The following FICD variants were observed in gnomAD, a reference collection of about 807,000 sequenced individuals.
FICD encodes FIC domain protein adenylyltransferase, also known as protein adenylyltransferase FICD.
In FICD, 13 loss-of-function variants were observed where a neutral mutation model predicts 28.0. The observed-to-expected ratio is 0.46, with a 90% CI of 0.30 to 0.74. The LOEUF (loss-of-function observed/expected upper bound fraction) is 0.74. Among genes scored for constraint, FICD ranks in the 30% least tolerant of loss-of-function variants. The pLI, the probability that FICD is intolerant of heterozygous loss-of-function variation, is 0.07. For missense variants in FICD, 576 were observed against 624.5 expected, an observed-to-expected ratio of 0.92 and a Z score of 0.83; for synonymous variants, 268 against 266.4, an observed-to-expected ratio of 1.01 and a Z score of -0.06.
At position 108,517,237 on chromosome 12, in the gene FICD, G is replaced by A. The variant is rs746642946; in HGVS notation, c.265G>A (p.Ala89Thr). The change falls in exon 2 of 3, where the codon GCG becomes ACG. Residue 89 changes from alanine (A) to threonine (T), a missense_variant. By Grantham distance (58) the Ala-to-Thr change is moderately conservative (BLOSUM62 0). Coordinates refer to ENST00000552695, the MANE Select transcript of FICD (RefSeq NM_007076.3). ...GGAGCTCAGCATCACCTCCAGGGGC[G>A]CGACGCTGCTGGTGGCCAAGACCAA... Reference protein sequence around the residue: ...STELSITSRGATLLVAKTKAS... With the variant: ...STELSITSRGTTLLVAKTKAS... 35 of 1,547,994 alleles carry A rather than the reference G, an allele frequency of 2.3e-5. No homozygotes were observed. Among genetic ancestry groups the A allele is most frequent in the Middle Eastern group, 1.7e-4 (1 of 5,854 alleles).
In FICD at chr12:108,519,405, A is replaced by G; in HGVS notation, c.1307A>G (p.Tyr436Cys). 1.2e-6 allele frequency: 2 copies of G among 1,613,984 alleles called. No homozygotes were observed. The highest frequency in any genetic ancestry group is 2.7e-5 in the African/African-American group (2 of 74,968). The part of the protein sequence containing the change: ...LDTLLFATTE[Y>C]SVALPEAQPN... ...ACCCTGCTTTTTGCCACAACTGAGT[A>G]CTCGGTGGCACTGCCAGAAGCCCAA... Residue 436 changes from tyrosine to cysteine, a missense_variant, in exon 3 of 3, where the codon TAC becomes TGC. By Grantham distance (194) the Tyr-to-Cys change is radical. Coordinates refer to ENST00000552695, the MANE Select transcript of FICD (RefSeq NM_007076.3). The surrounding 1 kb of genome is among the most constrained non-coding windows in gnomAD (Gnocchi z 4.5).
At position 108,521,013 on chromosome 12, in the gene FICD, A is replaced by G. The variant is rs1872099324; in HGVS notation, c.*1538A>G. On this transcript the variant is annotated 3_prime_UTR_variant, in exon 3 of 3. Transcript: ENST00000552695. Reference sequence around the variant, plus strand: ...AAATGATAATTGTTCAAACCTTTATAAAATGTGTTTTCGTACTCTTATGCT... The same window carrying G: ...AAATGATAATTGTTCAAACCTTTATGAAATGTGTTTTCGTACTCTTATGCT... 6.6e-6 allele frequency: 1 copy of G among 152,254 alleles called. No homozygotes were observed. The highest frequency in any genetic ancestry group is 2.4e-5 in the African/African-American group (1 of 41,468). The allele number at this position is 152,254 out of a possible 1,614,324, so 9.4% of individuals were successfully genotyped here.
chr12:108,519,105 A>G lies in FICD; in HGVS notation c.1007A>G (p.Gln336Arg), dbSNP rs1214986708. Residue 336 changes from glutamine to arginine, a missense_variant, in exon 3 of 3, where the codon CAG becomes CGG. By Grantham distance (43) the Gln-to-Arg change is conservative. Transcript: ENST00000552695. This position sits in a 1 kb window ranked among gnomAD's most constrained non-coding sequence, Gnocchi z 4.5. ...GAAAAGCAGATGCAGGAGTTTGTACAGTGGCTCAACTCCGAGGAAGCCATG... is the reference window on the plus strand; with the variant it reads ...GAAAAGCAGATGCAGGAGTTTGTACGGTGGCTCAACTCCGAGGAAGCCATG... Reference protein sequence around the residue: ...DVEKQMQEFVQWLNSEEAMNL... With the variant: ...DVEKQMQEFVRWLNSEEAMNL... The G allele has an allele frequency of 1.2e-6, 2 of 1,614,118 alleles. No homozygotes were observed. The highest frequency in any genetic ancestry group is 1.1e-5 in the South Asian group (1 of 91,090).
At position 108,520,557 on chromosome 12, in the gene FICD, CT is replaced by C. The variant is rs1238951789; in HGVS notation, c.*1083del. 1 of 152,258 alleles carries C rather than the reference CT, an allele frequency of 6.6e-6. No individual in the cohort carries two copies. Among genetic ancestry groups the C allele is most frequent in the African/African-American group, 2.4e-5 (1 of 41,458 alleles). The allele number at this position is 152,258 out of a possible 1,614,324, so 9.4% of individuals were successfully genotyped here. A position where few individuals can be genotyped will look rare whatever the true frequency, so the allele number is the denominator to read the frequency against. On this transcript the variant is annotated 3_prime_UTR_variant, in exon 3 of 3. Coordinates refer to ENST00000552695, the MANE Select transcript of FICD (RefSeq NM_007076.3). Reference sequence around the variant, plus strand: ...TTGCACTGTCCCGTGTCCCATCCCCCTGGGAGGCAGAAGAGATTGCCTCGGA... The same window carrying C: ...TTGCACTGTCCCGTGTCCCATCCCCCGGGAGGCAGAAGAGATTGCCTCGGA...
rs748814333 is a variant in FICD, at chr12:108,518,320, C to T, written c.302-80C>T. 8.2e-7 allele frequency: 1 copy of T among 1,220,792 alleles called. No individual in the cohort carries two copies. Among genetic ancestry groups the T allele is most frequent in the Admixed American group, 1.8e-5 (1 of 55,010 alleles). The allele number at this position is 1,220,792 out of a possible 1,614,324, so 75.6% of individuals were successfully genotyped here. A position where few individuals can be genotyped will look rare whatever the true frequency, so the allele number is the denominator to read the frequency against. On this transcript the variant is annotated intron_variant, in intron 2 of 2. Transcript: ENST00000552695. The surrounding 1 kb of genome is among the most constrained non-coding windows in gnomAD (Gnocchi z 4.4). ...TGGTCATCATGGTTTCCTGCGGAGA[C>T]CAGCACAGGGGACAGCCCCCCGAAT...
At position 108,520,096 on chromosome 12, in the gene FICD, T is replaced by TTG. The variant is rs1872062404; in HGVS notation, c.*622_*623insGT. The TTG allele has an allele frequency of 6.6e-6, 1 of 151,154 alleles. No homozygotes were observed. Among genetic ancestry groups the TTG allele is most frequent in the Admixed American group, 6.6e-5 (1 of 15,184 alleles). 9.4% of individuals were successfully genotyped at this position (151,154 alleles called of 1,614,324 possible). A position where few individuals can be genotyped will look rare whatever the true frequency, so the allele number is the denominator to read the frequency against. Reference sequence around the variant, plus strand: ...TTTAGTGCCAGCAGCTGTTTTTTTTTTTTTTTTTTTCATATTGAGACTATT... The same window carrying TTG: ...TTTAGTGCCAGCAGCTGTTTTTTTTTTGTTTTTTTTTTCATATTGAGACTATT... On this transcript the variant is annotated 3_prime_UTR_variant, in exon 3 of 3. Coordinates refer to ENST00000552695, the MANE Select transcript of FICD (RefSeq NM_007076.3).
At chr12:108,515,827 A>C (rs183982495) in intron 1 of FICD, among the ~76,000 whole-genome samples, 2 of 152,156 alleles carry the variant, frequency 1.3e-5, no homozygotes, top group African/African-American at 4.8e-5. Flanking sequence ...CTGCTTAGTA[A>C]TAAGGTAGAA....
At position 108,519,875 on chromosome 12, in the gene FICD, A is replaced by G. The variant is rs1872048642; in HGVS notation, c.*400A>G. The G allele has an allele frequency of 6.2e-6, 1 of 161,032 alleles. No individual in the cohort carries two copies. The highest frequency in any genetic ancestry group is 1.3e-5 in the Non-Finnish European group (1 of 74,096). 10.0% of individuals were successfully genotyped at this position (161,032 alleles called of 1,614,324 possible). ...ATAACTCCTCCAAGTGCTTCTCTGAAACAGGCTGAGAGGTTCTGTGACTGC... is the reference window on the plus strand; with the variant it reads ...ATAACTCCTCCAAGTGCTTCTCTGAGACAGGCTGAGAGGTTCTGTGACTGC... On this transcript the variant is annotated 3_prime_UTR_variant, in exon 3 of 3. Transcript: ENST00000552695. This position sits in a 1 kb window ranked among gnomAD's most constrained non-coding sequence, Gnocchi z 4.5.
rs1328756640 is a variant in FICD at position 108,518,902 on chromosome 12, T to G, written c.804T>G (p.His268Gln). The G allele has an allele frequency of 5.6e-6, 9 of 1,614,030 alleles. No individual in the cohort carries two copies. The highest frequency in any genetic ancestry group is 6.8e-6 in the Non-Finnish European group (8 of 1,180,032). Residue 268 changes from histidine (H) to glutamine (Q), a missense_variant, in exon 3 of 3, where the codon CAT becomes CAG. Coordinates refer to ENST00000552695, the MANE Select transcript of FICD (RefSeq NM_007076.3). The surrounding 1 kb of genome is among the most constrained non-coding windows in gnomAD (Gnocchi z 4.4). ...AGCAGAACGAGGTCATAGGCATGCA[T>G]GCAGCCATGAAGTACATCAACACGA... Reference protein sequence around the residue: ...LEEQNEVIGMHAAMKYINTTL... With the variant: ...LEEQNEVIGMQAAMKYINTTL...
At position 108,518,235 on chromosome 12, in the gene FICD, G is replaced by A. The variant is rs765378384; in HGVS notation, c.302-165G>A. On this transcript the variant is annotated intron_variant, in intron 2 of 2. Coordinates refer to ENST00000552695, the MANE Select transcript of FICD (RefSeq NM_007076.3). The surrounding 1 kb of genome is among the most constrained non-coding windows in gnomAD (Gnocchi z 4.4). ...ACGGCTGGGGCAACAGAGTGGTACC[G>A]GGCATGTTGAGTACACACGATGCGG... The A allele has an allele frequency of 1.3e-4, 90 of 709,516 alleles. No individual in the cohort carries two copies. The highest frequency in any genetic ancestry group is 5.4e-4 in the Admixed American group (27 of 50,004). 44.0% of individuals were successfully genotyped at this position (709,516 alleles called of 1,614,324 possible).
Position 108,516,231 on chromosome 12 carries a change from C to T in FICD, c.-58-684C>T, listed in dbSNP as rs149700683. 1.7e-3 allele frequency among the ~76,000 whole-genome samples: 258 copies of T among 152,334 alleles called. 4 individuals are homozygous for T. Among genetic ancestry groups the T allele is most frequent in the Middle Eastern group, 0.014 (4 of 294 alleles). On this transcript the variant is annotated intron_variant, in intron 1 of 2. Coordinates refer to ENST00000552695, the MANE Select transcript of FICD (RefSeq NM_007076.3). ...ACTGCTCATCTTCTTGATGGGGTCC[C>T]TTCTGGACAGGCCAGAAATGGAAGG...
Position 108,516,923 on chromosome 12 carries a change from C to T in FICD, c.-50C>T, listed in dbSNP as rs199500206. The T allele has an allele frequency of 2.9e-4, 413 of 1,415,886 alleles. No individual in the cohort carries two copies. Among genetic ancestry groups the T allele is most frequent in the Non-Finnish European group, 3.8e-4 (402 of 1,065,790 alleles). 87.7% of individuals were successfully genotyped at this position (1,415,886 alleles called of 1,614,324 possible). A position where few individuals can be genotyped will look rare whatever the true frequency, so the allele number is the denominator to read the frequency against. ...CTCTTGGCTCCTTGCAGATCCTGCTCTCTCTCAGCCGCCTGTGGACATGCG... is the reference window on the plus strand; with the variant it reads ...CTCTTGGCTCCTTGCAGATCCTGCTTTCTCTCAGCCGCCTGTGGACATGCG... On this transcript the variant is annotated 5_prime_UTR_variant, in exon 2 of 3. Transcript: ENST00000552695.
rs1872017125 is a variant in FICD, at chr12:108,519,082, A to G, written c.984A>G (p.Glu328=). 6.2e-7 allele frequency: 1 copy of G among 1,614,228 alleles called. No homozygotes were observed. The highest frequency in any genetic ancestry group is 8.5e-7 in the Non-Finnish European group (1 of 1,180,040). The change falls in exon 3 of 3, where the codon GAA becomes GAG. Residue 328 remains glutamate (E), a synonymous_variant. Coordinates refer to ENST00000552695, the MANE Select transcript of FICD (RefSeq NM_007076.3). This position sits in a 1 kb window ranked among gnomAD's most constrained non-coding sequence, Gnocchi z 4.5. ...HHIPPHPQDV[E]KQMQEFVQWL... is the part of the protein sequence containing the mutation. Reference sequence around the variant, plus strand: ...TCCCTCCCCATCCGCAGGATGTGGAAAAGCAGATGCAGGAGTTTGTACAGT... The same window carrying G: ...TCCCTCCCCATCCGCAGGATGTGGAGAAGCAGATGCAGGAGTTTGTACAGT...
intron 1 of FICD, among the ~76,000 whole-genome samples, chr12:108,516,348 T>C (rs539058715): frequency 7.9e-5 from 12 of 152,274 alleles, no homozygotes; most frequent in African/African-American, 2.4e-4. Flanking sequence ...TTATCAAAGA[T>C]TGGGCGTCAG....
rs1158028633 is a variant in FICD, at chr12:108,518,321, C to T, written c.302-79C>T. The T allele has an allele frequency of 8.1e-7, 1 of 1,231,236 alleles. No individual in the cohort carries two copies. The allele number at this position is 1,231,236 out of a possible 1,614,324, so 76.3% of individuals were successfully genotyped here. A position where few individuals can be genotyped will look rare whatever the true frequency, so the allele number is the denominator to read the frequency against. ...GGTCATCATGGTTTCCTGCGGAGAC[C>T]AGCACAGGGGACAGCCCCCCGAATG... On this transcript the variant is annotated intron_variant, in intron 2 of 2. Coordinates refer to ENST00000552695, the MANE Select transcript of FICD (RefSeq NM_007076.3). This position sits in a 1 kb window ranked among gnomAD's most constrained non-coding sequence, Gnocchi z 4.4.
chr12:108,518,251 C>T lies in FICD; in HGVS notation c.302-149C>T, dbSNP rs917523980. ...AGTGGTACCGGGCATGTTGAGTACA[C>T]ACGATGCGGCTGCAACAAGCTCCTC... On this transcript the variant is annotated intron_variant, in intron 2 of 2. Transcript: ENST00000552695. This position sits in a 1 kb window ranked among gnomAD's most constrained non-coding sequence, Gnocchi z 4.4. 4 of 724,184 alleles carry T rather than the reference C, an allele frequency of 5.5e-6. No homozygotes were observed. The highest frequency in any genetic ancestry group is 4.4e-5 in the South Asian group (3 of 68,122). The allele number at this position is 724,184 out of a possible 1,614,324, so 44.9% of individuals were successfully genotyped here.
chr12:108,519,113 A>G lies in FICD; in HGVS notation c.1015A>G (p.Asn339Asp). The change falls in exon 3 of 3, where the codon AAC (asparagine) becomes GAC (aspartate). Residue 339 changes from asparagine to aspartate, a missense_variant. By Grantham distance (23) the Asn-to-Asp change is conservative. Coordinates refer to ENST00000552695, the MANE Select transcript of FICD (RefSeq NM_007076.3). This position sits in a 1 kb window ranked among gnomAD's most constrained non-coding sequence, Gnocchi z 4.5. ...GATGCAGGAGTTTGTACAGTGGCTC[A>G]ACTCCGAGGAAGCCATGAACCTGCA... ...KQMQEFVQWL[N>D]SEEAMNLHPV... 1 of 1,614,176 alleles carries G rather than the reference A, an allele frequency of 6.2e-7. No individual in the cohort carries two copies. The highest frequency in any genetic ancestry group is 8.5e-7 in the Non-Finnish European group (1 of 1,179,994).
At position 108,518,128 on chromosome 12, in the gene FICD, A is replaced by C. The variant is rs542688161; in HGVS notation, c.302-272A>C. The C allele has an allele frequency of 1.3e-5, 9 of 702,314 alleles. No homozygotes were observed. The African/African-American group carries it at 1.6e-4, about 12-fold the overall frequency. 43.5% of individuals were successfully genotyped at this position (702,314 alleles called of 1,614,324 possible). A position where few individuals can be genotyped will look rare whatever the true frequency, so the allele number is the denominator to read the frequency against. ...GAACTTTCTATGTCCAGAAAGCAGGAGGCTAGGAAGCCAAGGAGGTGCCTC... is the reference window on the plus strand; with the variant it reads ...GAACTTTCTATGTCCAGAAAGCAGGCGGCTAGGAAGCCAAGGAGGTGCCTC... On this transcript the variant is annotated intron_variant, in intron 2 of 2. Coordinates refer to ENST00000552695, the MANE Select transcript of FICD (RefSeq NM_007076.3). The surrounding 1 kb of genome is among the most constrained non-coding windows in gnomAD (Gnocchi z 4.4).
chr12:108,520,091 T>TG lies in FICD; in HGVS notation c.*616_*617insG, dbSNP rs1216581806. 3.3e-5 allele frequency: 5 copies of TG among 150,888 alleles called. No individual in the cohort carries two copies. Among genetic ancestry groups the TG allele is most frequent in the Admixed American group, 6.6e-5 (1 of 15,156 alleles). 9.3% of individuals were successfully genotyped at this position (150,888 alleles called of 1,614,324 possible). ...CAAACTTTAGTGCCAGCAGCTGTTT[T>TG]TTTTTTTTTTTTTTTCATATTGAGA... On this transcript the variant is annotated 3_prime_UTR_variant, in exon 3 of 3. Transcript: ENST00000552695.
Sources: allele counts gnomAD v4.1 joint callset (sites outside exome capture counted in the v4.1 genomes callset), GRCh38; gene constraint gnomAD v4.1.1; non-coding constraint Gnocchi (gnomAD v3.1); transcripts MANE v1.5; gene names NCBI Gene and HGNC (gene_info 2026-07-23, HGNC 2026-07-21).